DPP10: variants seen among roughly 807,000 people sequenced by gnomAD.
DPP10 encodes the protein dipeptidyl peptidase like 10.
DPP10 carries 33 observed loss-of-function variants against 120.9 expected under a neutral mutation model. That is an observed-to-expected ratio of 0.27 (90% CI 0.21 to 0.37). The LOEUF (loss-of-function observed/expected upper bound fraction) is 0.37, where lower values mean the gene tolerates loss of function less well. Ranked by LOEUF, DPP10 falls within the 10% of genes least tolerant of loss-of-function variation. DPP10 has a pLI of 1.00. For synonymous variants in DPP10, 337 were observed against 326.1 expected, an observed-to-expected ratio of 1.03 and a Z score of -0.36; for missense variants, 816 against 942.8, an observed-to-expected ratio of 0.87 and a Z score of 1.76.
intron 1 of DPP10, among the ~76,000 whole-genome samples, chr2:115,245,645 A>T (rs1364345507): frequency 6.6e-6 from 1 of 152,114 alleles, no homozygotes; most frequent in Non-Finnish European, 1.5e-5. Context: ...CCCAGAAGAA[A>T]AGAAGTCATT....
intron 1 of DPP10, among the ~76,000 whole-genome samples, chr2:115,092,354 G>A (rs1709334800): frequency 6.6e-6 from 1 of 152,082 alleles, no homozygotes; most frequent in Admixed American, 6.6e-5. Context: ...CATTCTTAAA[G>A]AGCCAGCTTA....
chr2:114,673,748 G>A (rs1348184575), intron 1 of DPP10, among the ~76,000 whole-genome samples: 5 of 151,996 alleles, frequency 3.3e-5, no homozygotes, highest in Non-Finnish European at 5.9e-5. Context: ...TTTTCTAAGT[G>A]TTATGAAAAA....
chr2:114,554,609 C>T (rs954090561), intron 1 of DPP10, among the ~76,000 whole-genome samples: 52 of 152,284 alleles, frequency 3.4e-4, no homozygotes, highest in Middle Eastern at 3.4e-3. Flanking sequence ...AACTTTGTCA[C>T]ACTGAATCTG....
At chr2:115,040,889 C>A (rs961163163) in intron 1 of DPP10, among the ~76,000 whole-genome samples, 11 of 152,046 alleles carry the variant, frequency 7.2e-5, no homozygotes, top group African/African-American at 2.7e-4. Flanking sequence ...GAGGCTGAGG[C>A]AGGCAGATGA....
chr2:114,890,811 C>T (rs1398176944), intron 1 of DPP10, among the ~76,000 whole-genome samples: 1 of 152,084 alleles, frequency 6.6e-6, no homozygotes, highest in Non-Finnish European at 1.5e-5. Flanking sequence ...TAGCAGGGTA[C>T]AATATAGCCA....
At chr2:114,724,558 A>G (rs1701917880) in intron 1 of DPP10, among the ~76,000 whole-genome samples, 1 of 152,200 alleles carries the variant, frequency 6.6e-6, no homozygotes, top group Non-Finnish European at 1.5e-5. Flanking sequence ...GGGTATGAGG[A>G]GAGTCAAGCA....
At chr2:115,300,626 A>T (rs1256751336) in intron 1 of DPP10, among the ~76,000 whole-genome samples, 1 of 152,054 alleles carries the variant, frequency 6.6e-6, no homozygotes, top group Non-Finnish European at 1.5e-5. Context: ...TTGATTATTA[A>T]TGATAATCCT....
chr2:114,557,748 G>C (rs539308617), intron 1 of DPP10, among the ~76,000 whole-genome samples: 1 of 152,202 alleles, frequency 6.6e-6, no homozygotes, highest in Admixed American at 6.5e-5. Context: ...CTCGGCTCGC[G>C]ACTAGCTGAA....
intron 1 of DPP10, among the ~76,000 whole-genome samples, chr2:114,878,160 A>G (rs921505545): frequency 6.6e-6 from 1 of 152,166 alleles, no homozygotes; most frequent in Non-Finnish European, 1.5e-5. Flanking sequence ...TGATTTAGTC[A>G]AACATTTGCC....
intron 1 of DPP10, among the ~76,000 whole-genome samples, chr2:115,179,905 A>C (rs778603829): frequency 4.6e-5 from 7 of 152,198 alleles, no homozygotes; most frequent in African/African-American, 9.6e-5. Context: ...TAGTTAAACT[A>C]TTCTTAACAA....
At chr2:115,502,859 A>G (rs984329675) in intron 4 of DPP10, among the ~76,000 whole-genome samples, 1 of 86,392 alleles carries the variant, frequency 1.2e-5, no homozygotes, top group Non-Finnish European at 2.3e-5. Flanking sequence ...AGGCTCGGCT[A>G]ATTTTTTAAA....
chr2:114,719,272 C>T (rs1361147479), intron 1 of DPP10, among the ~76,000 whole-genome samples: 1 of 152,080 alleles, frequency 6.6e-6, no homozygotes, highest in African/African-American at 2.4e-5. Flanking sequence ...CTAGGCATTC[C>T]TTCTTCATTT....
At chr2:115,098,574 T>TA (rs953965445) in intron 1 of DPP10, among the ~76,000 whole-genome samples, 6 of 151,566 alleles carry the variant, frequency 4.0e-5, no homozygotes, top group African/African-American at 1.2e-4. Context: ...ATCTAAACAT[T>TA]AAAAAAAAGG....
chr2:115,161,540 G>A (rs1351884522), intron 1 of DPP10: 3 of 154,378 alleles, frequency 1.9e-5, no homozygotes, highest in African/African-American at 7.3e-5. Flanking sequence ...TGCTCCACCT[G>A]GCGCGCTGAG....
At chr2:115,615,477 T>C (rs935909978) in intron 5 of DPP10, among the ~76,000 whole-genome samples, 8 of 152,208 alleles carry the variant, frequency 5.3e-5, no homozygotes, top group African/African-American at 1.9e-4. Flanking sequence ...ACACAAATTC[T>C]GCTCTTACGA....
chr2:114,564,512 C>CTAT (rs1558885527), intron 1 of DPP10, among the ~76,000 whole-genome samples: 19 of 152,038 alleles, frequency 1.2e-4, no homozygotes, highest in Non-Finnish European at 2.4e-4. Flanking sequence ...CTATATATTC[C>CTAT]ATGATATAAG....
At chr2:115,579,734 A>G (rs1464326365) in intron 5 of DPP10, 17 of 152,198 alleles carry the variant, frequency 1.1e-4, no homozygotes, top group Admixed American at 1.1e-3. Flanking sequence ...ATTTTACCTC[A>G]TTAGGTCCAA....
chr2:115,322,312 G>A (rs1453042565), intron 2 of DPP10, among the ~76,000 whole-genome samples: 2 of 152,050 alleles, frequency 1.3e-5, no homozygotes, highest in East Asian at 3.9e-4. Flanking sequence ...TCTTTAGGTT[G>A]TGGTTAGCTA....
chr2:115,343,833 G>T lies in DPP10; in HGVS notation c.192G>T (p.Ser64=), dbSNP rs201248540. 54 of 1,610,364 alleles carry T rather than the reference G, an allele frequency of 3.4e-5. No homozygotes were observed. In the African/African-American group the frequency reaches 6.7e-4, roughly 20 times the overall value. ...TTATTTTAGATGAACTCACAAATTC[G>T]TCAGAAACCAGATTGTCTTTGGAAG... ...ILLTPDELTN[S]SETRLSLEDL... is the part of the protein sequence containing the mutation. The change falls in exon 3 of 26, where the codon TCG becomes TCT. Residue 64 remains serine, a synonymous_variant. Coordinates refer to ENST00000410059, the MANE Select transcript of DPP10 (RefSeq NM_020868.6).
Sources: allele counts gnomAD v4.1 joint callset (sites outside exome capture counted in the v4.1 genomes callset), GRCh38; gene constraint gnomAD v4.1.1; transcripts MANE v1.5; gene names NCBI Gene and HGNC (gene_info 2026-07-23, HGNC 2026-07-21).